The following TGM2 variants were observed in gnomAD, a reference collection of about 807,000 sequenced individuals.
TGM2 encodes the protein protein-glutamine gamma-glutamyltransferase 2.
In TGM2, 53 loss-of-function variants were observed where a neutral mutation model predicts 75.6. The ratio of observed to expected loss-of-function variants is 0.70; its 90% CI spans 0.56 to 0.88. TGM2 has a LOEUF of 0.88. Ranked by LOEUF, TGM2 falls within the 40% of genes least tolerant of loss-of-function variation. TGM2 has a pLI of 0.00. For missense variants in TGM2, 842 were observed against 928.5 expected (o/e 0.91, Z 1.21); for synonymous variants, 374 against 381.1 (o/e 0.98, Z 0.22).
chr20:38,154,038 T>C (rs992537831), intron 3 of TGM2, among the ~76,000 whole-genome samples: 1 of 152,136 alleles, frequency 6.6e-6, no homozygotes, highest in Non-Finnish European at 1.5e-5. Context: ...AGGCTGGTCT[T>C]GAACTCCTGC....
intron 1 of TGM2, among the ~76,000 whole-genome samples, chr20:38,162,097 C>T (rs949001158): frequency 8.5e-5 from 13 of 152,202 alleles, no homozygotes; most frequent in Non-Finnish European, 1.6e-4. Flanking sequence ...CAGGTGCGAG[C>T]CACAGTGCCC....
At chr20:38,154,869 G>T (rs1312406274) in intron 3 of TGM2, among the ~76,000 whole-genome samples, 1 of 152,186 alleles carries the variant, frequency 6.6e-6, no homozygotes, top group Non-Finnish European at 1.5e-5. Flanking sequence ...ACTTTGGCAG[G>T]CCGAGGCGGG....
At chr20:38,167,820 G>A (rs2075322658), upstream of TGM2, among the ~76,000 whole-genome samples, 1 of 152,082 alleles carries the variant, frequency 6.6e-6, no homozygotes, top group East Asian at 1.9e-4. Flanking sequence ...ACACAGAGTG[G>A]GTATGTCACG....
intron 10 of TGM2, 162 bp from the exon 11 acceptor site, chr20:38,132,662 C>T (rs1600478014): frequency 2.1e-6 from 2 of 961,996 alleles, no homozygotes; most frequent in South Asian, 1.3e-5. Flanking sequence ...CTCCAGGGTT[C>T]CCAGCGAGGA....
intron 1 of TGM2, among the ~76,000 whole-genome samples, chr20:38,162,794 AG>A (rs2067017914): frequency 6.6e-6 from 1 of 152,222 alleles, no homozygotes; most frequent in Non-Finnish European, 1.5e-5. Context: ...GAAGGTGCGC[AG>A]GGGCAGGAGA....
At chr20:38,132,525 G>T in intron 10 of TGM2, 25 bp from the exon 11 acceptor site, 1 of 1,613,760 alleles carries the variant, frequency 6.2e-7, no homozygotes, top group East Asian at 2.2e-5. Context: ...AAAGGAGGGT[G>T]CTCATGATGC....
chr20:38,158,806 A>G (rs992265553), intron 2 of TGM2, among the ~76,000 whole-genome samples: 9 of 152,224 alleles, frequency 5.9e-5, no homozygotes, highest in East Asian at 5.8e-4. Flanking sequence ...ACAAGCTACA[A>G]TGTTCCCACA....
chr20:38,135,042 G>A (rs1410277406), intron 10 of TGM2, among the ~76,000 whole-genome samples: 2 of 152,214 alleles, frequency 1.3e-5, no homozygotes, highest in Non-Finnish European at 2.9e-5. Context: ...CAACAGGAGG[G>A]ACCTGCTGCT....
chr20:38,134,377 G>T (rs2074871870), intron 10 of TGM2, among the ~76,000 whole-genome samples: 2 of 152,226 alleles, frequency 1.3e-5, no homozygotes, highest in South Asian at 4.1e-4. Flanking sequence ...TCAAGACCTG[G>T]TGGTGCAGAG....
chr20:38,148,561 CAG>C (rs1302211236), intron 4 of TGM2, among the ~76,000 whole-genome samples: 1 of 152,202 alleles, frequency 6.6e-6, no homozygotes, highest in African/African-American at 2.4e-5. Flanking sequence ...GGAACTGAGA[CAG>C]ATTCTAAATA....
At chr20:38,147,029 G>A in intron 5 of TGM2, 135 bp from the exon 6 acceptor site, 1 of 909,032 alleles carries the variant, frequency 1.1e-6, no homozygotes, top group East Asian at 2.7e-5. Context: ...AGGTGCAAAG[G>A]GGCCATCGTG....
At chr20:38,142,833 CT>C (rs2074992759) in intron 6 of TGM2, among the ~76,000 whole-genome samples, 1 of 152,252 alleles carries the variant, frequency 6.6e-6, no homozygotes, top group African/African-American at 2.4e-5. Context: ...GGTCTGGCCC[CT>C]GAACCCCTCC....
chr20:38,161,100 C>T (rs2075246761), intron 2 of TGM2, among the ~76,000 whole-genome samples: 1 of 152,168 alleles, frequency 6.6e-6, no homozygotes, highest in South Asian at 2.1e-4. Flanking sequence ...CCACCACGCC[C>T]AGCCTGTGGA....
chr20:38,166,767 G>T (rs1327228525), upstream of TGM2, among the ~76,000 whole-genome samples: 1 of 152,200 alleles, frequency 6.6e-6, no homozygotes, highest in East Asian at 1.9e-4. Flanking sequence ...ACGGGCTCTG[G>T]CTGGAGTCTC....
In TGM2 at chr20:38,161,406, T is replaced by C. The variant is rs2075250424; in HGVS notation, c.190+14A>G. 2 of 1,613,028 alleles carry C rather than the reference T, an allele frequency of 1.2e-6. No homozygotes were observed. The highest frequency in any genetic ancestry group is 1.7e-5 in the Admixed American group (1 of 59,906). On this transcript the variant is annotated intron_variant, in intron 2 of 12. Transcript: ENST00000361475. Reference sequence around the variant, plus strand: ...TGGTGGTGGTGGTGGTGGAGTGGGGTTGCAGGTACTCACCGGTCACGACAC... The same window carrying C: ...TGGTGGTGGTGGTGGTGGAGTGGGGCTGCAGGTACTCACCGGTCACGACAC...
chr20:38,165,177 T>TCTGATA lies in TGM2; in HGVS notation c.10+6_10+11dup. On this transcript the variant is annotated intron_variant, in intron 1 of 12. Coordinates refer to ENST00000361475, the MANE Select transcript of TGM2 (RefSeq NM_004613.4). ...GCCCCTGAGTGGCGGCTGCGGTGAC[T>TCTGATA]CTGATACTCACCCTCGGCCATGGTC... The TCTGATA allele has an allele frequency of 6.2e-7, 1 of 1,613,450 alleles. No homozygotes were observed. Among genetic ancestry groups the TCTGATA allele is most frequent in the Non-Finnish European group, 8.5e-7 (1 of 1,179,866 alleles).
At chr20:38,147,896 G>A (rs1462249128) in intron 5 of TGM2, 65 bp downstream of exon 5, 8 of 1,567,118 alleles carry the variant, frequency 5.1e-6, no homozygotes, top group Admixed American at 1.9e-5. Flanking sequence ...TCTCCACTGC[G>A]AGGGAGAGGC....
At chr20:38,139,708 C>A in intron 8 of TGM2, 54 bp from the exon 9 acceptor site, 1 of 1,607,022 alleles carries the variant, frequency 6.2e-7, no homozygotes, top group Admixed American at 1.7e-5. Context: ...TGGGTGGTGT[C>A]CTCTAAAACG....
At chr20:38,164,702 C>T (rs1644122086) in intron 1 of TGM2, among the ~76,000 whole-genome samples, 3 of 152,156 alleles carry the variant, frequency 2.0e-5, no homozygotes, top group Admixed American at 6.5e-5. Context: ...GCCTGATTTC[C>T]GAAGGCTCCT....
Sources: gnomAD v4.1 joint callset for allele counts (sites outside exome capture counted in the v4.1 genomes callset) on GRCh38, gnomAD v4.1.1 for gene constraint, MANE v1.5 for transcripts, NCBI Gene and HGNC (gene_info 2026-07-23, HGNC 2026-07-21) for gene names.